CDH18: variants seen among roughly 807,000 people sequenced by gnomAD.
CDH18 encodes the protein cadherin 18.
In CDH18, 31 loss-of-function variants were observed where a neutral mutation model predicts 67.9. The ratio of observed to expected loss-of-function variants is 0.46; its 90% CI spans 0.34 to 0.62. The LOEUF (loss-of-function observed/expected upper bound fraction) is 0.62. CDH18 is among the 20% of genes least tolerant of loss of function. The probability of loss-of-function intolerance (pLI) is 0.01; values close to 1 mark genes in which losing one functional copy is unlikely to be tolerated. For synonymous variants in CDH18, 362 were observed against 347.2 expected, an observed-to-expected ratio of 1.04 and a Z score of -0.48; for missense variants, 890 against 975.5, an observed-to-expected ratio of 0.91 and a Z score of 1.17.
chr5:20,485,539 T>TGCATTATAAATATAA (rs1209020805), intron 1 of CDH18, among the ~76,000 whole-genome samples: 2 of 152,204 alleles, frequency 1.3e-5, no homozygotes, highest in East Asian at 3.8e-4. Context: ...TGTATATGGC[T>TGCATTATAAATATAA]GTGCAGAAAA....
intron 4 of CDH18, 87 bp downstream of exon 4, chr5:19,746,855 T>C: frequency 9.9e-7 from 1 of 1,014,298 alleles, no homozygotes; most frequent in Non-Finnish European, 1.5e-6. Context: ...CAGATATATA[T>C]ATATAAGTAA....
At chr5:20,319,028 C>G (rs139429279) in intron 1 of CDH18, among the ~76,000 whole-genome samples, 2 of 152,194 alleles carry the variant, frequency 1.3e-5, no homozygotes, top group Non-Finnish European at 2.9e-5. Context: ...TAGGACCCCA[C>G]GGTCTGGACC....
chr5:19,998,043 G>A (rs988375140), intron 2 of CDH18, among the ~76,000 whole-genome samples: 1 of 152,160 alleles, frequency 6.6e-6, no homozygotes, highest in East Asian at 1.9e-4. Context: ...AAGTGACCAT[G>A]CAGAAGTTAT....
intron 1 of CDH18, among the ~76,000 whole-genome samples, chr5:20,483,091 T>C (rs1418937613): frequency 1.3e-5 from 2 of 152,044 alleles, no homozygotes; most frequent in Non-Finnish European, 2.9e-5. Flanking sequence ...AACATCGGCA[T>C]ACAAAAACCA....
At chr5:20,389,195 T>G (rs1744598594) in intron 1 of CDH18, among the ~76,000 whole-genome samples, 1 of 152,146 alleles carries the variant, frequency 6.6e-6, no homozygotes, top group South Asian at 2.1e-4. Flanking sequence ...CTAAGTCTCT[T>G]TCTAAGTCTC....
chr5:20,318,032 T>G (rs1737634086), intron 1 of CDH18, among the ~76,000 whole-genome samples: 1 of 151,736 alleles, frequency 6.6e-6, no homozygotes, highest in East Asian at 2.0e-4. Flanking sequence ...ATGAAAACTA[T>G]ATAGTTTTTG....
chr5:19,790,784 C>T (rs1776274772), intron 3 of CDH18, among the ~76,000 whole-genome samples: 1 of 151,958 alleles, frequency 6.6e-6, no homozygotes, highest in East Asian at 1.9e-4. Context: ...CAATTAAGAG[C>T]CTATTGCAGT....
intron 5 of CDH18, among the ~76,000 whole-genome samples, chr5:19,690,478 A>G (rs568589184): frequency 2.0e-5 from 3 of 151,836 alleles, no homozygotes; most frequent in South Asian, 4.1e-4. Context: ...TAATAGAGAC[A>G]AAATAACACA....
At chr5:20,048,888 A>C (rs1741144758) in intron 2 of CDH18, among the ~76,000 whole-genome samples, 1 of 151,758 alleles carries the variant, frequency 6.6e-6, no homozygotes, top group Non-Finnish European at 1.5e-5. Context: ...CATGGATATC[A>C]ATAAGGCAAC....
intron 2 of CDH18, among the ~76,000 whole-genome samples, chr5:20,029,451 C>A (rs965242633): frequency 6.6e-6 from 1 of 152,106 alleles, no homozygotes; most frequent in African/African-American, 2.4e-5. Context: ...AAATGCTTGG[C>A]CGTTCTCCCA....
intron 2 of CDH18, among the ~76,000 whole-genome samples, chr5:20,068,431 T>C (rs1743168790): frequency 6.6e-6 from 1 of 152,066 alleles, no homozygotes; most frequent in African/African-American, 2.4e-5. Context: ...GATAATGGTG[T>C]CTCCTGAGGA....
intron 2 of CDH18, among the ~76,000 whole-genome samples, chr5:19,961,246 G>T (rs1048927672): frequency 4.0e-5 from 6 of 151,540 alleles, no homozygotes; most frequent in Non-Finnish European, 8.8e-5. Context: ...GGGATTACAG[G>T]CGCACACCAC....
At chr5:20,312,790 A>G (rs1216026917) in intron 1 of CDH18, among the ~76,000 whole-genome samples, 2 of 152,116 alleles carry the variant, frequency 1.3e-5, no homozygotes, top group African/African-American at 2.4e-5. Flanking sequence ...CTATTTTTCA[A>G]ATTTCCTCTT....
chr5:19,912,616 C>T (rs1256950537), intron 2 of CDH18, among the ~76,000 whole-genome samples: 1 of 152,106 alleles, frequency 6.6e-6, no homozygotes, highest in Non-Finnish European at 1.5e-5. Context: ...TATTTTACTG[C>T]TAATGAGCTA....
chr5:20,433,167 GC>G lies in CDH18; in HGVS notation c.-580+142294del, dbSNP rs575519516. ...CTCCAATTTATACGTTGAAGATCTAGCCCCCAGTACCCAAGAATGCAACAGT... is the reference window on the plus strand; with the variant it reads ...CTCCAATTTATACGTTGAAGATCTAGCCCCAGTACCCAAGAATGCAACAGT... On this transcript the variant is annotated intron_variant, in intron 1 of 14. Transcript: ENST00000507958. Among the ~76,000 whole-genome samples the G allele has an allele frequency of 5.3e-5, 8 of 151,062 alleles. No individual in the cohort carries two copies. The South Asian group carries it at 1.5e-3, about 28-fold the overall frequency.
intron 1 of CDH18, among the ~76,000 whole-genome samples, chr5:20,547,344 T>A (rs1379098934): frequency 6.6e-6 from 1 of 151,826 alleles, no homozygotes; most frequent in African/African-American, 2.4e-5. Flanking sequence ...GGGCGGATCA[T>A]TAGGTCAGGA....
At position 19,806,267 on chromosome 5, in the gene CDH18, C is replaced by T. The variant is rs542373786; in HGVS notation, c.228+32492G>A. ...CGTGCACCACTGCCTGCGTGTTCAGCACTGCTGTTGCACTATCAGCACTGT... is the reference window on the plus strand; with the variant it reads ...CGTGCACCACTGCCTGCGTGTTCAGTACTGCTGTTGCACTATCAGCACTGT... On this transcript the variant is annotated intron_variant, in intron 3 of 12. Transcript: ENST00000382275. Among the ~76,000 whole-genome samples, 6 of 152,220 alleles carry T rather than the reference C, an allele frequency of 3.9e-5. No homozygotes were observed. In the South Asian group the frequency reaches 8.3e-4, roughly 21 times the overall value.
intron 2 of CDH18, among the ~76,000 whole-genome samples, chr5:20,227,963 T>C (rs1741765565): frequency 1.3e-5 from 2 of 152,162 alleles, no homozygotes; most frequent in Admixed American, 1.3e-4. Context: ...ATTAATAGCC[T>C]CACCATTCAG....
intron 2 of CDH18, among the ~76,000 whole-genome samples, chr5:20,137,191 C>T (rs1327390653): frequency 6.6e-6 from 1 of 152,108 alleles, no homozygotes; most frequent in African/African-American, 2.4e-5. Flanking sequence ...CAACTTGGTT[C>T]CATTCTCCCT....
Sources: allele counts gnomAD v4.1 joint callset (sites outside exome capture counted in the v4.1 genomes callset), GRCh38; gene constraint gnomAD v4.1.1; transcripts MANE v1.5; gene names NCBI Gene and HGNC (gene_info 2026-07-23, HGNC 2026-07-21).